The following NRG3 variants were observed in gnomAD, a reference collection of about 807,000 sequenced individuals.
NRG3 encodes the protein neuregulin 3, also known as pro-neuregulin-3, membrane-bound isoform.
In NRG3, 31 loss-of-function variants were observed where a neutral mutation model predicts 66.9. The observed-to-expected ratio is 0.46, with a 90% CI of 0.35 to 0.63. NRG3 has a LOEUF of 0.63. Among genes scored for constraint, NRG3 ranks in the 20% least tolerant of loss-of-function variants. The probability of loss-of-function intolerance (pLI) is 0.00; values close to 1 mark genes in which losing one functional copy is unlikely to be tolerated. For missense variants in NRG3, 910 were observed against 878.9 expected (o/e 1.04, Z -0.45); for synonymous variants, 393 against 359.4 (o/e 1.09, Z -1.06).
intron 1 of NRG3, among the ~76,000 whole-genome samples, chr10:82,178,522 G>A (rs988505547): frequency 6.6e-6 from 1 of 152,070 alleles, no homozygotes; most frequent in African/African-American, 2.4e-5. Flanking sequence ...ATAATATCCT[G>A]AAGATCCATC....
chr10:82,202,962 G>A (rs1250257047), intron 1 of NRG3, among the ~76,000 whole-genome samples: 2 of 152,172 alleles, frequency 1.3e-5, no homozygotes, highest in Non-Finnish European at 2.9e-5. Context: ...TGATTGATGT[G>A]TGATATACAC....
rs75351263 is a variant in NRG3, at chr10:82,146,313, G to A, written c.824-212426G>A. Among the ~76,000 whole-genome samples the A allele has an allele frequency of 5.2e-3, 787 of 152,236 alleles. 10 individuals are homozygous for A. The highest frequency in any genetic ancestry group is 0.018 in the African/African-American group (746 of 41,528). On this transcript the variant is annotated intron_variant, in intron 1 of 8. Coordinates refer to ENST00000372141, the MANE Select transcript of NRG3 (RefSeq NM_001010848.4). Reference sequence around the variant, plus strand: ...TTTTAGTATTTGTCTTACTCCAAATGTCGTTTGGGTTGTCTGGGATTTTAT... The same window carrying A: ...TTTTAGTATTTGTCTTACTCCAAATATCGTTTGGGTTGTCTGGGATTTTAT...
chr10:82,353,592 TA>T (rs1564830033), intron 1 of NRG3, among the ~76,000 whole-genome samples: 2 of 151,796 alleles, frequency 1.3e-5, no homozygotes, highest in Admixed American at 6.6e-5. Flanking sequence ...CCGAAACGTA[TA>T]AAAAAAATAA....
chr10:82,944,397 G>A (rs1024722260), intron 4 of NRG3, among the ~76,000 whole-genome samples: 10 of 152,048 alleles, frequency 6.6e-5, no homozygotes, highest in South Asian at 2.1e-4. Flanking sequence ...ATTATTATAC[G>A]CAAGTCATGC....
chr10:82,257,786 C>A (rs1351468335), intron 1 of NRG3, among the ~76,000 whole-genome samples: 2 of 152,028 alleles, frequency 1.3e-5, no homozygotes, highest in African/African-American at 4.8e-5. Context: ...AAAAAAAATT[C>A]TGATTTTTCC....
intron 2 of NRG3, among the ~76,000 whole-genome samples, chr10:82,549,357 C>G (rs887586784): frequency 6.6e-6 from 1 of 152,088 alleles, no homozygotes; most frequent in Non-Finnish European, 1.5e-5. Context: ...CCCATACTTA[C>G]AGAGTTGAAG....
chr10:82,978,055 C>A lies in NRG3; in HGVS notation c.1413-895C>A, dbSNP rs117585819. 8.2e-3 allele frequency among the ~76,000 whole-genome samples: 1,253 copies of A among 152,154 alleles called. 6 individuals carry two copies. The highest frequency in any genetic ancestry group is 0.014 in the Non-Finnish European group (938 of 68,014). On this transcript the variant is annotated intron_variant, in intron 7 of 8. Transcript: ENST00000372141. ...CCTTTATTATTTGAGCACTGCAGAA[C>A]CAGTGTGACCACATAAACTAGCATC...
intron 2 of NRG3, among the ~76,000 whole-genome samples, chr10:82,417,851 G>C (rs1350497829): frequency 6.6e-6 from 1 of 152,182 alleles, no homozygotes; most frequent in African/African-American, 2.4e-5. Flanking sequence ...TGTAACATCA[G>C]TCTGGCTCTT....
At chr10:82,475,888 T>A (rs1590263616) in intron 2 of NRG3, among the ~76,000 whole-genome samples, 2 of 152,096 alleles carry the variant, frequency 1.3e-5, no homozygotes, top group Admixed American at 6.5e-5. Context: ...ATGTTATCAA[T>A]AGAGTGAAAA....
chr10:82,441,312 G>A (rs894114993), intron 2 of NRG3, among the ~76,000 whole-genome samples: 4 of 152,304 alleles, frequency 2.6e-5, no homozygotes, highest in Middle Eastern at 3.4e-3. Flanking sequence ...AAGGGATTTC[G>A]GAGAAAATGT....
intron 3 of NRG3, among the ~76,000 whole-genome samples, chr10:82,847,696 G>C (rs2063368182): frequency 6.6e-6 from 1 of 152,148 alleles, no homozygotes; most frequent in African/African-American, 2.4e-5. Flanking sequence ...TTCCTCACCT[G>C]AGACTGAAAA....
chr10:81,899,756 T>C (rs1589391850), intron 1 of NRG3, among the ~76,000 whole-genome samples: 1 of 146,596 alleles, frequency 6.8e-6, no homozygotes, highest in Non-Finnish European at 1.5e-5. Context: ...CTGGAGGCTG[T>C]CCACCTTTAG....
intron 2 of NRG3, among the ~76,000 whole-genome samples, chr10:82,374,892 T>G (rs2085116023): frequency 6.6e-6 from 1 of 152,170 alleles, no homozygotes; most frequent in Admixed American, 6.5e-5. Flanking sequence ...GAAACGTCTG[T>G]TTATCTGTAT....
intron 3 of NRG3, among the ~76,000 whole-genome samples, chr10:82,839,418 G>C (rs969876584): frequency 1.1e-4 from 17 of 151,768 alleles, no homozygotes; most frequent in Non-Finnish European, 2.5e-4. Flanking sequence ...GTTTCTAATA[G>C]CATTTTTTAT....
chr10:82,086,686 G>T (rs2065747324), intron 1 of NRG3, among the ~76,000 whole-genome samples: 1 of 152,032 alleles, frequency 6.6e-6, no homozygotes, highest in Non-Finnish European at 1.5e-5. Flanking sequence ...CTGGTTCTGT[G>T]AATTATGCAT....
chr10:81,912,356 G>T (rs968864844), intron 1 of NRG3, among the ~76,000 whole-genome samples: 3 of 152,026 alleles, frequency 2.0e-5, no homozygotes, highest in African/African-American at 7.2e-5. Context: ...TGAGTAGCTG[G>T]GACCACAGGT....
chr10:82,893,157 T>C (rs984515171), intron 4 of NRG3, among the ~76,000 whole-genome samples: 4 of 152,168 alleles, frequency 2.6e-5, no homozygotes, highest in African/African-American at 4.8e-5. Context: ...GAAGAACAGA[T>C]ACTGTTTCCA....
intron 4 of NRG3, among the ~76,000 whole-genome samples, chr10:82,938,272 A>G (rs911341021): frequency 5.3e-5 from 8 of 152,162 alleles, no homozygotes; most frequent in African/African-American, 1.9e-4. Context: ...GTAGATTTGA[A>G]CGTACACAGA....
chr10:82,496,712 C>T (rs1309491174), intron 2 of NRG3, among the ~76,000 whole-genome samples: 2 of 152,036 alleles, frequency 1.3e-5, no homozygotes, highest in African/African-American at 2.4e-5. Context: ...TAAACTTTTC[C>T]TCCCATTGTT....
Sources: allele counts gnomAD v4.1 joint callset (sites outside exome capture counted in the v4.1 genomes callset), GRCh38; gene constraint gnomAD v4.1.1; transcripts MANE v1.5; gene names NCBI Gene and HGNC (gene_info 2026-07-23, HGNC 2026-07-21).